RAB3IP: variants seen among roughly 807,000 people sequenced by gnomAD.
The protein encoded by RAB3IP is rab-3A-interacting protein.
A neutral mutation model predicts 59.1 loss-of-function variants in RAB3IP; 36 were observed. That is an observed-to-expected ratio of 0.61 (90% confidence interval 0.47 to 0.80). The LOEUF is 0.80. RAB3IP is among the 30% of genes least tolerant of loss of function. The pLI is 0.00. For synonymous variants in RAB3IP, 207 were observed against 191.2 expected, an observed-to-expected ratio of 1.08 and a Z score of -0.68; for missense variants, 511 against 536.0, an observed-to-expected ratio of 0.95 and a Z score of 0.46.
upstream of RAB3IP, chr12:69,738,360 T>C (rs532626367): frequency 3.3e-5 from 5 of 152,180 alleles, no homozygotes; most frequent in Admixed American, 6.5e-5. Flanking sequence ...CATGACATTC[T>C]CGAACGCTCT....
Position 69,812,826 on chromosome 12 carries a change from A to G in RAB3IP, c.1179A>G (p.Lys393=). 6.2e-7 allele frequency: 1 copy of G among 1,613,292 alleles called. No individual in the cohort carries two copies. The highest frequency in any genetic ancestry group is 8.5e-7 in the Non-Finnish European group (1 of 1,179,214). The change falls in exon 9 of 11, where the codon AAA becomes AAG. Residue 393 remains lysine, a synonymous_variant. Transcript: ENST00000247833. ...GTAAGTCCTGTAAACACAGAATTAA[A>G]TTAGGGGACTCAAGCAACTATTATT... The part of the protein sequence containing the change: ...GQSKSCKHRI[K]LGDSSNYYYI...
chr12:69,746,160 C>T (rs1868338483), intron 1 of RAB3IP, among the ~76,000 whole-genome samples: 1 of 152,188 alleles, frequency 6.6e-6, no homozygotes, highest in Non-Finnish European at 1.5e-5. Context: ...CTCTAGTCTC[C>T]AGTGAAGTTC....
intron 3 of RAB3IP, among the ~76,000 whole-genome samples, chr12:69,779,929 C>T (rs574716722): frequency 1.1e-3 from 165 of 152,278 alleles, no homozygotes; most frequent in African/African-American, 3.8e-3. Context: ...TGCTTATTAA[C>T]GAATTAGTTA....
intron 4 of RAB3IP, among the ~76,000 whole-genome samples, chr12:69,791,592 A>C (rs897635626): frequency 1.3e-5 from 2 of 152,180 alleles, no homozygotes; most frequent in African/African-American, 4.8e-5. Flanking sequence ...ATCATCAGGT[A>C]AATGCCAGTC....
rs547759510 is a variant in RAB3IP at position 69,814,483 on chromosome 12, T to C, written c.1301-881T>C. Among the ~76,000 whole-genome samples the C allele has an allele frequency of 3.6e-4, 55 of 152,280 alleles. No individual in the cohort carries two copies. In the South Asian group the frequency reaches 0.011, roughly 30 times the overall value. Reference sequence around the variant, plus strand: ...AATCTAAAGCAGAATTTCTCGACCTTGGTACTAGTGACATTTTGAGCTGGA... The same window carrying C: ...AATCTAAAGCAGAATTTCTCGACCTCGGTACTAGTGACATTTTGAGCTGGA... On this transcript the variant is annotated intron_variant, in intron 10 of 10. Coordinates refer to ENST00000247833, the MANE Select transcript of RAB3IP (RefSeq NM_022456.5).
rs1276172300 is a variant in RAB3IP, at chr12:69,818,257, GC to G, written c.*2812del. 1 of 152,208 alleles carries G rather than the reference GC, an allele frequency of 6.6e-6. No individual in the cohort carries two copies. The highest frequency in any genetic ancestry group is 1.5e-5 in the Non-Finnish European group (1 of 68,066). 9.4% of individuals were successfully genotyped at this position (152,208 alleles called of 1,614,324 possible). A position where few individuals can be genotyped will look rare whatever the true frequency, so the allele number is the denominator to read the frequency against. ...GCCCAAGAGTTCAAGACCAGCTTGA[GC>G]AACATAGGGAGACCACATCTGCACA... On this transcript the variant is annotated 3_prime_UTR_variant, in exon 11 of 11. Coordinates refer to ENST00000247833, the MANE Select transcript of RAB3IP (RefSeq NM_022456.5).
intron 6 of RAB3IP, among the ~76,000 whole-genome samples, chr12:69,797,477 C>CTTTTTTTTTTT: frequency 9.1e-5 from 5 of 54,958 alleles, no homozygotes; most frequent in African/African-American, 1.8e-4. Flanking sequence ...TCTTTTCTTT[C>CTTTTTTTTTTT]TTTTTTTTTT....
Position 69,806,570 on chromosome 12 carries a change from G to GTTTT in RAB3IP, c.1130+4868_1130+4871dup, listed in dbSNP as rs35262716. 7.0e-3 allele frequency among the ~76,000 whole-genome samples: 476 copies of GTTTT among 68,422 alleles called. 17 individuals carry two copies. Among genetic ancestry groups the GTTTT allele is most frequent in the African/African-American group, 0.021 (321 of 15,524 alleles). The allele number at this position is 68,422 out of a possible 152,430, so 44.9% of individuals were successfully genotyped here. ...GAATGTGTTTGCTCTTGCTTCTCTA[G>GTTTT]TTTTTTTTTTTTTTTTTTTTTTAGT... On this transcript the variant is annotated intron_variant, in intron 8 of 10. Transcript: ENST00000247833.
At chr12:69,795,960 A>G (rs542401036) in intron 6 of RAB3IP, 1 of 152,710 alleles carries the variant, frequency 6.5e-6, no homozygotes, top group East Asian at 1.9e-4. Flanking sequence ...ACTTACAACT[A>G]TGTAAGGCCA....
At chr12:69,785,289 G>T (rs1331259632) in intron 4 of RAB3IP, among the ~76,000 whole-genome samples, 2 of 152,216 alleles carry the variant, frequency 1.3e-5, no homozygotes, top group Non-Finnish European at 2.9e-5. Context: ...CTCCATAGGG[G>T]TGCCACTAAC....
chr12:69,767,899 G>T (rs147851521), intron 3 of RAB3IP, among the ~76,000 whole-genome samples: 161 of 152,042 alleles, frequency 1.1e-3, no homozygotes, highest in African/African-American at 3.8e-3. Flanking sequence ...AAGTGGAGAA[G>T]ACCCCCTTTC....
At chr12:69,742,766 C>G (rs1054276607) in intron 1 of RAB3IP, among the ~76,000 whole-genome samples, 1 of 152,182 alleles carries the variant, frequency 6.6e-6, no homozygotes, top group African/African-American at 2.4e-5. Context: ...CATTAACTTG[C>G]TATCTCTATT....
intron 3 of RAB3IP, among the ~76,000 whole-genome samples, chr12:69,773,458 T>C (rs1208691242): frequency 7.8e-6 from 1 of 127,644 alleles, no homozygotes; most frequent in Non-Finnish European, 1.6e-5. Context: ...ATGTGCACAT[T>C]GTGCAGGTTA....
intron 1 of RAB3IP, among the ~76,000 whole-genome samples, 183 bp from the exon 2 acceptor site, chr12:69,755,201 C>T (rs1226800547): frequency 2.0e-5 from 3 of 152,128 alleles, no homozygotes; most frequent in African/African-American, 4.8e-5. Flanking sequence ...ACCTCATCTT[C>T]CCGAGTAGCT....
chr12:69,755,550 T>G lies in RAB3IP; in HGVS notation c.142T>G (p.Leu48Val). Residue 48 changes from leucine (L) to valine (V), a missense_variant, in exon 2 of 11, where the codon TTA (leucine) becomes GTA (valine). Leu to Val is a conservative substitution (Grantham distance 32). Transcript: ENST00000247833. ...SVIYRPHPSA[L>V]SSVPIQANAL... ...CATCTACCGGCCACACCCTTCAGCT[T>G]TATCCTCTGTACCTATCCAGGCAAA... 7 of 1,614,080 alleles carry G rather than the reference T, an allele frequency of 4.3e-6. No individual in the cohort carries two copies. Among genetic ancestry groups the G allele is most frequent in the Non-Finnish European group, 5.1e-6 (6 of 1,180,010 alleles).
Position 69,818,487 on chromosome 12 carries a change from T to C in RAB3IP, c.*3041T>C, listed in dbSNP as rs1311720681. 1.3e-5 allele frequency: 2 copies of C among 151,998 alleles called. No homozygotes were observed. The highest frequency in any genetic ancestry group is 2.9e-5 in the Non-Finnish European group (2 of 67,988). The allele number at this position is 151,998 out of a possible 1,614,324, so 9.4% of individuals were successfully genotyped here. On this transcript the variant is annotated 3_prime_UTR_variant, in exon 11 of 11. Coordinates refer to ENST00000247833, the MANE Select transcript of RAB3IP (RefSeq NM_022456.5). ...AAAGTATACCCATGGGTCAGCAATT[T>C]CACTTTTCAGTATATACTTGAGAAA...
Position 69,743,641 on chromosome 12 carries a change from C to T in RAB3IP, c.-26+4610C>T, listed in dbSNP as rs183440509. Among the ~76,000 whole-genome samples the T allele has an allele frequency of 2.7e-3, 405 of 152,294 alleles. 2 individuals are homozygous for T. The highest frequency in any genetic ancestry group is 4.2e-3 in the Non-Finnish European group (284 of 68,028). On this transcript the variant is annotated intron_variant, in intron 1 of 10. Transcript: ENST00000247833. ...AACCTTAGAGAGATTAAATGACTTG[C>T]GTCAGTTCACACAGCTTGTCAGTGA...
intron 3 of RAB3IP, among the ~76,000 whole-genome samples, chr12:69,757,275 C>A (rs1870382912): frequency 6.6e-6 from 1 of 151,932 alleles, no homozygotes; most frequent in Non-Finnish European, 1.5e-5. Context: ...ATCTAAGCTC[C>A]CACTTTAAGA....
At chr12:69,792,294 AC>A (rs1390588549) in intron 4 of RAB3IP, among the ~76,000 whole-genome samples, 1 of 151,908 alleles carries the variant, frequency 6.6e-6, no homozygotes, top group Non-Finnish European at 1.5e-5. Context: ...TTTGCGCACC[AC>A]CTCCCCTCCA....
Sources: gnomAD v4.1 joint callset for allele counts (sites outside exome capture counted in the v4.1 genomes callset) on GRCh38, gnomAD v4.1.1 for gene constraint, MANE v1.5 for transcripts, NCBI Gene and HGNC (gene_info 2026-07-23, HGNC 2026-07-21) for gene names.